DPP10: variants seen among roughly 807,000 people sequenced by gnomAD.
DPP10 encodes inactive dipeptidyl peptidase 10.
DPP10 carries 33 observed loss-of-function variants against 120.9 expected under a neutral mutation model. That is an observed-to-expected ratio of 0.27 (90% CI 0.21 to 0.37). DPP10 has a LOEUF of 0.37. Among genes scored for constraint, DPP10 ranks in the 10% least tolerant of loss-of-function variants. The pLI is 1.00. For synonymous variants in DPP10, 337 were observed against 326.1 expected (o/e 1.03, Z -0.36); for missense variants, 816 against 942.8 (o/e 0.87, Z 1.76).
chr2:115,663,377 C>T (rs2089169299), intron 5 of DPP10, among the ~76,000 whole-genome samples: 1 of 152,182 alleles, frequency 6.6e-6, no homozygotes, highest in South Asian at 2.1e-4. Flanking sequence ...AATGCATATG[C>T]ATTCCATTGT....
At chr2:115,063,097 A>G (rs954956753) in intron 1 of DPP10, among the ~76,000 whole-genome samples, 1 of 152,136 alleles carries the variant, frequency 6.6e-6, no homozygotes, top group Non-Finnish European at 1.5e-5. Flanking sequence ...CTGTTGTGAG[A>G]TGGTATCTCA....
At chr2:115,215,154 C>A (rs1346861777) in intron 1 of DPP10, among the ~76,000 whole-genome samples, 2 of 152,096 alleles carry the variant, frequency 1.3e-5, no homozygotes. Context: ...CCAGAGTTGT[C>A]TTAGAACAAA....
At chr2:114,782,199 A>G (rs142402777) in intron 1 of DPP10, among the ~76,000 whole-genome samples, 298 of 151,966 alleles carry the variant, frequency 2.0e-3, no homozygotes, top group African/African-American at 6.9e-3. Flanking sequence ...ATGAGAATGG[A>G]TAGTCTTCTA....
In DPP10 at chr2:115,305,064, C is replaced by T. The variant is rs560305525; in HGVS notation, c.61-4175C>T. 2.6e-5 allele frequency among the ~76,000 whole-genome samples: 4 copies of T among 152,212 alleles called. No homozygotes were observed. In the South Asian group the frequency reaches 8.3e-4, roughly 32 times the overall value. On this transcript the variant is annotated intron_variant, in intron 1 of 25. Transcript: ENST00000410059. ...CTGACGTTGAACACAAGCGTTTCAA[C>T]TGATGCATCCATCCACCGGGGGGCT...
At chr2:115,773,282 A>T (rs1414027146) in intron 13 of DPP10, among the ~76,000 whole-genome samples, 2 of 152,168 alleles carry the variant, frequency 1.3e-5, no homozygotes, top group African/African-American at 2.4e-5. Flanking sequence ...GGTAAAAAGA[A>T]CATGCAGGGT....
intron 15 of DPP10, among the ~76,000 whole-genome samples, chr2:115,779,555 T>A (rs565476274): frequency 6.6e-6 from 1 of 152,166 alleles, no homozygotes; most frequent in African/African-American, 2.4e-5. Flanking sequence ...AAATACCACA[T>A]AAATCTCCAG....
chr2:114,793,167 C>A (rs1683396627), intron 1 of DPP10, among the ~76,000 whole-genome samples: 1 of 152,042 alleles, frequency 6.6e-6, no homozygotes, highest in Admixed American at 6.6e-5. Flanking sequence ...TAAAATTATA[C>A]TTTAAGTTCT....
intron 3 of DPP10, among the ~76,000 whole-genome samples, chr2:115,498,899 G>A (rs6735538): frequency 0.42 from 63,194 of 151,664 alleles, 13,958 homozygotes; most frequent in East Asian, 0.65. Context: ...TGAAGACATA[G>A]TTCTTCTAGA....
chr2:115,167,605 A>C (rs1317793503), intron 1 of DPP10, among the ~76,000 whole-genome samples: 6 of 119,378 alleles, frequency 5.0e-5, no homozygotes, highest in Admixed American at 8.1e-5. Flanking sequence ...AGACCGTCTC[A>C]AAAAAAAAAA....
intron 1 of DPP10, among the ~76,000 whole-genome samples, chr2:114,764,933 G>C (rs907270520): frequency 1.3e-5 from 2 of 152,120 alleles, no homozygotes; most frequent in African/African-American, 2.4e-5. Flanking sequence ...ACCTTGAGGG[G>C]TTAGGCTATT....
chr2:115,333,969 A>G (rs974784084), intron 2 of DPP10, among the ~76,000 whole-genome samples: 4 of 151,934 alleles, frequency 2.6e-5, no homozygotes, highest in Non-Finnish European at 5.9e-5. Context: ...AAACAAAGAA[A>G]GCCTCCAAGA....
intron 1 of DPP10, among the ~76,000 whole-genome samples, chr2:115,265,853 A>T (rs2059439277): frequency 6.6e-6 from 1 of 151,908 alleles, no homozygotes; most frequent in Non-Finnish European, 1.5e-5. Flanking sequence ...CTGAGGCAGG[A>T]GAATTGCTTG....
At chr2:114,661,640 T>C (rs1207582701) in intron 1 of DPP10, among the ~76,000 whole-genome samples, 2 of 152,190 alleles carry the variant, frequency 1.3e-5, no homozygotes, top group Non-Finnish European at 2.9e-5. Flanking sequence ...ATCTCTGTCT[T>C]TTTTGTTGCT....
intron 1 of DPP10, among the ~76,000 whole-genome samples, chr2:115,130,493 CATCCATCT>C (rs199767804): frequency 0.078 from 11,206 of 142,854 alleles, 738 homozygotes; most frequent in East Asian, 0.29. Context: ...TGCATCCATC[CATCCATCT>C]ATCCATCCAT....
At chr2:114,604,723 C>T (rs1188494395) in intron 1 of DPP10, among the ~76,000 whole-genome samples, 1 of 152,116 alleles carries the variant, frequency 6.6e-6, no homozygotes, top group African/African-American at 2.4e-5. Context: ...GACTTCTGCA[C>T]TGGTTTCTGT....
intron 1 of DPP10, among the ~76,000 whole-genome samples, chr2:114,986,535 G>A (rs17355236): frequency 0.21 from 31,554 of 152,034 alleles, 3,543 homozygotes; most frequent in South Asian, 0.37. Context: ...TGCTTCAAGA[G>A]GGTGATCATG....
At chr2:115,733,487 G>A (rs545982510) in intron 8 of DPP10, among the ~76,000 whole-genome samples, 56 of 152,038 alleles carry the variant, frequency 3.7e-4, no homozygotes, top group African/African-American at 1.3e-3. Context: ...AATTGGTGGG[G>A]CCAAATCCAA....
chr2:115,208,328 T>C (rs925926075), intron 1 of DPP10, among the ~76,000 whole-genome samples: 1 of 151,964 alleles, frequency 6.6e-6, no homozygotes, highest in Non-Finnish European at 1.5e-5. Context: ...GCCTCCCAAG[T>C]AGCTGGGATT....
intron 1 of DPP10, among the ~76,000 whole-genome samples, chr2:114,714,578 C>G (rs1701236583): frequency 6.6e-6 from 1 of 152,058 alleles, no homozygotes; most frequent in Admixed American, 6.5e-5. Flanking sequence ...GCTTTCTTGG[C>G]CCAAAAACCT....
Sources: allele counts gnomAD v4.1 joint callset (sites outside exome capture counted in the v4.1 genomes callset), GRCh38; gene constraint gnomAD v4.1.1; transcripts MANE v1.5; gene names NCBI Gene and HGNC (gene_info 2026-07-23, HGNC 2026-07-21).